Variants in NHSL1 observed in about 807,000 individuals in gnomAD.
The protein encoded by NHSL1 is NHS-like protein 1.
In NHSL1, 48 loss-of-function variants were observed where a neutral mutation model predicts 95.0. The observed-to-expected ratio is 0.51, with a 90% CI of 0.40 to 0.64. The LOEUF is 0.64. NHSL1 is among the 30% of genes least tolerant of loss of function. The pLI is 0.00. For synonymous variants in NHSL1, 783 were observed against 833.9 expected (o/e 0.94, Z 1.05); for missense variants, 1,971 against 2,077.7 (o/e 0.95, Z 1.00).
At chr6:138,540,185 G>T (rs1240126348) in intron 1 of NHSL1, among the ~76,000 whole-genome samples, 1 of 152,180 alleles carries the variant, frequency 6.6e-6, no homozygotes. Context: ...ATGAAAGGAG[G>T]AGGAAAGAAC....
At chr6:138,571,845 C>A in exon 1 of NHSL1, 1 of 1,551,902 alleles carries the variant, frequency 6.4e-7, no homozygotes, top group Non-Finnish European at 8.7e-7. Context: ...ATCCAACTTA[C>A]AGCACGTGAG....
At chr6:138,664,378 A>C (rs7775191) in intron 1 of NHSL1, among the ~76,000 whole-genome samples, 6,361 of 152,252 alleles carry the variant, frequency 0.042, 347 homozygotes, top group African/African-American at 0.13. Context: ...AGTGTGCAAG[A>C]AGTTCACAGA....
chr6:138,579,110 T>C (rs931672008), intron 1 of NHSL1, among the ~76,000 whole-genome samples: 2 of 152,188 alleles, frequency 1.3e-5, no homozygotes, highest in Non-Finnish European at 2.9e-5. Context: ...TATGAGAATC[T>C]AATGCCGCTG....
chr6:138,448,234 A>G (rs990640891), intron 3 of NHSL1, among the ~76,000 whole-genome samples: 1 of 152,212 alleles, frequency 6.6e-6, no homozygotes, highest in East Asian at 1.9e-4. Context: ...GCTCCACAGC[A>G]GCTGGTTCTG....
intron 1 of NHSL1, among the ~76,000 whole-genome samples, chr6:138,591,271 A>T (rs1314897036): frequency 6.6e-6 from 1 of 152,186 alleles, no homozygotes; most frequent in African/African-American, 2.4e-5. Context: ...AAATTATGAA[A>T]GTTTTCAAAT....
rs1012242565 is a variant in NHSL1, at chr6:138,579,233, C to T, written c.97-82862G>A. Among the ~76,000 whole-genome samples, 75 of 152,172 alleles carry T rather than the reference C, an allele frequency of 4.9e-4. 1 individual carries two copies. Among genetic ancestry groups the T allele is most frequent in the African/African-American group, 1.8e-3 (74 of 41,440 alleles). On this transcript the variant is annotated intron_variant, in intron 1 of 3. Coordinates refer to the NHSL1 transcript ENST00000491526. ...ACAGCCTGGGGTTTGGGGACCCCTG[C>T]CTTATAATGCCTTATACACAGCCAG...
chr6:138,549,571 A>G (rs1782926252), upstream of NHSL1, among the ~76,000 whole-genome samples: 1 of 152,200 alleles, frequency 6.6e-6, no homozygotes, highest in Non-Finnish European at 1.5e-5. Context: ...CCTTGATTTT[A>G]GAACTCGGGT....
upstream of NHSL1, among the ~76,000 whole-genome samples, chr6:138,549,450 G>C (rs1398590248): frequency 6.6e-6 from 1 of 152,188 alleles, no homozygotes; most frequent in East Asian, 1.9e-4. Context: ...TGGAGGCACA[G>C]ACTGGAGGGA....
intron 3 of NHSL1, among the ~76,000 whole-genome samples, chr6:138,465,670 T>C (rs182247718): frequency 3.9e-4 from 60 of 152,296 alleles, no homozygotes; most frequent in Admixed American, 3.1e-3. Context: ...AGATATCTTA[T>C]TAATCTTTGC....
intron 1 of NHSL1, among the ~76,000 whole-genome samples, chr6:138,678,142 T>C (rs1785471570): frequency 1.3e-5 from 2 of 152,070 alleles, no homozygotes; most frequent in South Asian, 4.1e-4. Flanking sequence ...CATTTTATGG[T>C]GTCATACTAT....
chr6:138,456,883 CT>C (rs113834827), intron 3 of NHSL1, among the ~76,000 whole-genome samples: 388 of 144,388 alleles, frequency 2.7e-3, no homozygotes, highest in Middle Eastern at 3.6e-3. Flanking sequence ...TTCTTTCTTT[CT>C]TTTTTTTTTT....
At chr6:138,649,096 T>C (rs1285608322) in intron 1 of NHSL1, among the ~76,000 whole-genome samples, 3 of 152,180 alleles carry the variant, frequency 2.0e-5, no homozygotes, top group African/African-American at 7.2e-5. Flanking sequence ...TACAGGAAAG[T>C]GTATACGCTA....
chr6:138,665,716 T>G (rs1242302960), intron 1 of NHSL1, among the ~76,000 whole-genome samples: 1 of 152,234 alleles, frequency 6.6e-6, no homozygotes, highest in Non-Finnish European at 1.5e-5. Flanking sequence ...TATCCCAATT[T>G]GTTTTAACTT....
intron 1 of NHSL1, among the ~76,000 whole-genome samples, chr6:138,559,342 C>T (rs1783324970): frequency 6.6e-6 from 1 of 152,232 alleles, no homozygotes; most frequent in Non-Finnish European, 1.5e-5. Flanking sequence ...CAGGCTCTTC[C>T]ACACTGCCCT....
At chr6:138,691,093 G>C (rs1293587659) in intron 1 of NHSL1, among the ~76,000 whole-genome samples, 1 of 152,326 alleles carries the variant, frequency 6.6e-6, no homozygotes, top group East Asian at 1.9e-4. Context: ...AGCAACTCGT[G>C]ATTGCCGCAT....
chr6:138,685,429 C>G (rs1785573033), intron 1 of NHSL1, among the ~76,000 whole-genome samples: 1 of 152,152 alleles, frequency 6.6e-6, no homozygotes, highest in African/African-American at 2.4e-5. Flanking sequence ...GAGGAGGAAG[C>G]TATGAATGTA....
intron 1 of NHSL1, among the ~76,000 whole-genome samples, chr6:138,636,628 T>C (rs1002816890): frequency 2.0e-5 from 3 of 151,968 alleles, no homozygotes; most frequent in African/African-American, 7.3e-5. Context: ...CAGTGAACAA[T>C]CTGAAAAAGA....
chr6:138,430,677 G>T lies in NHSL1; in HGVS notation c.3668C>A (p.Ala1223Asp). The T allele has an allele frequency of 1.9e-6, 3 of 1,551,674 alleles. No individual in the cohort carries two copies. The highest frequency in any genetic ancestry group is 2.6e-6 in the Non-Finnish European group (3 of 1,146,996). Reference sequence around the variant, plus strand: ...CGTGGGGCTGGGCACAGCTCGGAGGGCTTCGCTCACGTTCTCTGCGGGCTC... The same window carrying T: ...CGTGGGGCTGGGCACAGCTCGGAGGTCTTCGCTCACGTTCTCTGCGGGCTC... ...AVEPAENVSEALRAVPSPTTG... is the reference protein window; with the variant it reads ...AVEPAENVSEDLRAVPSPTTG... Residue 1223 changes from alanine (A) to aspartate (D), a missense_variant, in exon 6 of 8, where the codon GCC (alanine) becomes GAC (aspartate). Ala to Asp is a moderately radical substitution (Grantham distance 126, BLOSUM62 -2). Coordinates refer to ENST00000343505, the MANE Select transcript of NHSL1 (RefSeq NM_001144060.2). The surrounding 1 kb of genome is among the most constrained non-coding windows in gnomAD (Gnocchi z 4.7).
chr6:138,492,238 G>C (rs1583296130), intron 2 of NHSL1, among the ~76,000 whole-genome samples: 1 of 152,208 alleles, frequency 6.6e-6, no homozygotes, highest in Non-Finnish European at 1.5e-5. Flanking sequence ...AGGAGGGAGT[G>C]GGGGAGTGAG....
Sources: allele counts gnomAD v4.1 joint callset (sites outside exome capture counted in the v4.1 genomes callset), GRCh38; gene constraint gnomAD v4.1.1; non-coding constraint Gnocchi (gnomAD v3.1); transcripts MANE v1.5; gene names NCBI Gene and HGNC (gene_info 2026-07-23, HGNC 2026-07-21).